Variants in BAG2 observed in about 807,000 individuals in gnomAD.
The protein encoded by BAG2 is BAG cochaperone 2, also known as BAG family molecular chaperone regulator 2.
BAG2 carries 8 observed loss-of-function variants against 16.4 expected under a neutral mutation model. The ratio of observed to expected loss-of-function variants is 0.49; its 90% CI spans 0.29 to 0.88. The LOEUF is 0.88. Ranked by LOEUF, BAG2 falls within the 40% of genes least tolerant of loss-of-function variation. BAG2 has a pLI of 0.09. For synonymous variants in BAG2, 82 were observed against 89.2 expected (o/e 0.92, Z 0.46); for missense variants, 218 against 248.9 (o/e 0.88, Z 0.84).
chr6:57,180,620 C>G (rs1764411273), intron 1 of BAG2, among the ~76,000 whole-genome samples: 3 of 152,012 alleles, frequency 2.0e-5, no homozygotes, highest in Admixed American at 2.0e-4. Context: ...TCTTACCTAA[C>G]TGCATGCAGG....
In BAG2 at chr6:57,172,783, T is replaced by C; in HGVS notation, c.86T>C (p.Leu29Pro). The C allele has an allele frequency of 6.4e-7, 1 of 1,569,600 alleles. No individual in the cohort carries two copies. The change falls in exon 1 of 3, where the codon CTG (leucine) becomes CCG (proline). Residue 29 changes from leucine to proline, a missense_variant. Around this residue, in one of 3 missense-constraint regions of BAG2, gnomAD observed 75 missense variants for 63.1 expected, o/e 1.19. Transcript: ENST00000370693. ...ATGGCTGACCGCTCCAGCCGCCTGC[T>C]GGAGAGCCTGGACCAGCTGGAGCTC... Reference protein sequence around the residue: ...SSMADRSSRLLESLDQLELRV... With the variant: ...SSMADRSSRLPESLDQLELRV...
At chr6:57,182,796 A>G (rs1345992441) in intron 2 of BAG2, among the ~76,000 whole-genome samples, 1 of 152,084 alleles carries the variant, frequency 6.6e-6, no homozygotes, top group Non-Finnish European at 1.5e-5. Flanking sequence ...GATTACAGGC[A>G]CGTGCCACCA....
chr6:57,183,069 G>A (rs576581183), intron 2 of BAG2, among the ~76,000 whole-genome samples: 188 of 152,282 alleles, frequency 1.2e-3, no homozygotes, highest in Non-Finnish European at 2.1e-3. Context: ...CATGGTACTG[G>A]GCCAAGTGGC....
chr6:57,174,619 T>C (rs1230777503), intron 1 of BAG2, among the ~76,000 whole-genome samples: 2 of 152,190 alleles, frequency 1.3e-5, no homozygotes, highest in East Asian at 3.8e-4. Flanking sequence ...TTTGTAGGCC[T>C]TTTTTCTTCT....
At position 57,173,139 on chromosome 6, in the gene BAG2, C is replaced by T. The variant is rs1000976181; in HGVS notation, c.113+329C>T. ...ATAAAAGTTACAGTGAGATTCCATG[C>T]GATTAAGGACTGTGGCAGCTTGGGT... On this transcript the variant is annotated intron_variant, in intron 1 of 2. Transcript: ENST00000370693. 4 of 1,020,484 alleles carry T rather than the reference C, an allele frequency of 3.9e-6. No individual in the cohort carries two copies. The East Asian group carries it at 3.5e-4, about 88-fold the overall frequency. 63.2% of individuals were successfully genotyped at this position (1,020,484 alleles called of 1,614,324 possible). A position where few individuals can be genotyped will look rare whatever the true frequency, so the allele number is the denominator to read the frequency against.
At chr6:57,177,783 T>C (rs1764325167) in intron 1 of BAG2, among the ~76,000 whole-genome samples, 1 of 152,198 alleles carries the variant, frequency 6.6e-6, no homozygotes, top group Non-Finnish European at 1.5e-5. Flanking sequence ...CTGCATACTC[T>C]ATTAGCTGAC....
Position 57,184,023 on chromosome 6 carries a change from T to A in BAG2, c.469T>A (p.Ser157Thr). The change falls in exon 3 of 3, where the codon TCC becomes ACC. Residue 157 changes from serine (S) to threonine (T), a missense_variant. Physicochemically the swap from Ser to Thr is moderately conservative, Grantham distance 58 (BLOSUM62 1). Coordinates refer to ENST00000370693, the MANE Select transcript of BAG2 (RefSeq NM_004282.4). ...PHGPVDQKFQSIVIGCALEDQ... is the reference protein window; with the variant it reads ...PHGPVDQKFQTIVIGCALEDQ... Reference sequence around the variant, plus strand: ...TGGGCCAGTTGATCAGAAGTTTCAATCCATAGTAATTGGCTGTGCTCTTGA... The same window carrying A: ...TGGGCCAGTTGATCAGAAGTTTCAAACCATAGTAATTGGCTGTGCTCTTGA... The A allele has an allele frequency of 6.2e-7, 1 of 1,613,284 alleles. No homozygotes were observed. The highest frequency in any genetic ancestry group is 8.5e-7 in the Non-Finnish European group (1 of 1,179,844).
At chr6:57,180,524 C>T (rs1344953261) in intron 1 of BAG2, among the ~76,000 whole-genome samples, 3 of 151,164 alleles carry the variant, frequency 2.0e-5, no homozygotes, top group Admixed American at 6.6e-5. Context: ...AGATAAATAG[C>T]GAATATACAT....
Position 57,184,892 on chromosome 6 carries a change from A to G in BAG2, c.*702A>G, listed in dbSNP as rs1006928903. On this transcript the variant is annotated 3_prime_UTR_variant, in exon 3 of 3. Coordinates refer to ENST00000370693, the MANE Select transcript of BAG2 (RefSeq NM_004282.4). ...CCTATATTGTAACTTGCCTTTTTTT[A>G]AAAAAGTTAGATGCTGATATAAAGT... The G allele has an allele frequency of 6.6e-6, 1 of 152,414 alleles. No homozygotes were observed. Among genetic ancestry groups the G allele is most frequent in the South Asian group, 2.1e-4 (1 of 4,818 alleles). 9.4% of individuals were successfully genotyped at this position (152,414 alleles called of 1,614,324 possible). A position where few individuals can be genotyped will look rare whatever the true frequency, so the allele number is the denominator to read the frequency against.
At position 57,172,707 on chromosome 6, in the gene BAG2, G is replaced by A; in HGVS notation, c.10G>A (p.Ala4Thr). The stretch of plus-strand genomic sequence containing the variant: ...CGCGTCGGAGGCTTAGATGGCTCAG[G>A]CGAAGATCAACGCTAAAGCCAACGA... MAQAKINAKANEGR... is the reference protein window; with the variant it reads MAQTKINAKANEGR... Residue 4 changes from alanine (A) to threonine (T), a missense_variant, in exon 1 of 3, where the codon GCG (alanine) becomes ACG (threonine). Ala to Thr is a moderately conservative substitution (Grantham distance 58). This residue lies in a region of BAG2 where 75 missense variants were observed against 63.1 expected (regional missense o/e 1.19). Transcript: ENST00000370693. 1 of 1,569,676 alleles carries A rather than the reference G, an allele frequency of 6.4e-7. No individual in the cohort carries two copies. Among genetic ancestry groups the A allele is most frequent in the Non-Finnish European group, 8.6e-7 (1 of 1,160,964 alleles).
intron 1 of BAG2, among the ~76,000 whole-genome samples, chr6:57,181,126 A>G (rs1764428011): frequency 6.6e-6 from 1 of 152,268 alleles, no homozygotes; most frequent in Middle Eastern, 3.4e-3. Context: ...TGCTGTGGAG[A>G]GTGGATAGGT....
In BAG2 at chr6:57,184,456, A is replaced by G; in HGVS notation, c.*266A>G. 4.0e-6 allele frequency: 1 copy of G among 248,290 alleles called. No individual in the cohort carries two copies. Among genetic ancestry groups the G allele is most frequent in the Non-Finnish European group, 7.6e-6 (1 of 131,920 alleles). 15.4% of individuals were successfully genotyped at this position (248,290 alleles called of 1,614,324 possible). A position where few individuals can be genotyped will look rare whatever the true frequency, so the allele number is the denominator to read the frequency against. ...ATTTCACTATTCTGTGGATGAATAC[A>G]TAGTTTGTGGGGAAAACAAACGTTC... On this transcript the variant is annotated 3_prime_UTR_variant, in exon 3 of 3. Coordinates refer to ENST00000370693, the MANE Select transcript of BAG2 (RefSeq NM_004282.4).
rs1404192743 is a variant in BAG2 at position 57,184,009 on chromosome 6, A to G, written c.455A>G (p.Asp152Gly). The part of the protein sequence containing the change: ...CSSEVPHGPV[D>G]QKFQSIVIGC... ...TCTGAGGTGCCACATGGGCCAGTTGATCAGAAGTTTCAATCCATAGTAATT... is the reference window on the plus strand; with the variant it reads ...TCTGAGGTGCCACATGGGCCAGTTGGTCAGAAGTTTCAATCCATAGTAATT... The change falls in exon 3 of 3, where the codon GAT (aspartate) becomes GGT (glycine). Residue 152 changes from aspartate to glycine, a missense_variant. By Grantham distance (94) the Asp-to-Gly change is moderately conservative. This residue lies in a region of BAG2 where 113 missense variants were observed against 128.0 expected (regional missense o/e 0.88). Transcript: ENST00000370693. 6.2e-7 allele frequency: 1 copy of G among 1,612,982 alleles called. No individual in the cohort carries two copies. Among genetic ancestry groups the G allele is most frequent in the Non-Finnish European group, 8.5e-7 (1 of 1,179,742 alleles).
In BAG2 at chr6:57,188,195, A is replaced by G. The variant is rs1333241545; in HGVS notation, c.*4005A>G. 1 of 152,194 alleles carries G rather than the reference A, an allele frequency of 6.6e-6. No individual in the cohort carries two copies. Among genetic ancestry groups the G allele is most frequent in the East Asian group, 1.9e-4 (1 of 5,204 alleles). 9.4% of individuals were successfully genotyped at this position (152,194 alleles called of 1,614,324 possible). On this transcript the variant is annotated 3_prime_UTR_variant, in exon 3 of 3. Transcript: ENST00000370693. Reference sequence around the variant, plus strand: ...GAGAATGAAGGGTCTTGGAAAAAAAATGTCAATTTTTGAAGGCTTTAAGAA... The same window carrying G: ...GAGAATGAAGGGTCTTGGAAAAAAAGTGTCAATTTTTGAAGGCTTTAAGAA...
Position 57,184,144 on chromosome 6 carries a change from C to T in BAG2, c.590C>T (p.Ala197Val). Reference protein sequence around the residue: ...AIKLLEHSKGAGSKTLQQNAE... With the variant: ...AIKLLEHSKGVGSKTLQQNAE... The stretch of plus-strand genomic sequence containing the variant: ...AAGCTATTAGAGCATTCTAAAGGAG[C>T]TGGTTCCAAAACTCTGCAACAAAAT... Residue 197 changes from alanine to valine, a missense_variant, in exon 3 of 3, where the codon GCT (alanine) becomes GTT (valine). Ala to Val is a moderately conservative substitution (Grantham distance 64, BLOSUM62 0). This residue lies in a region of BAG2 where 113 missense variants were observed against 128.0 expected (regional missense o/e 0.88). Coordinates refer to ENST00000370693, the MANE Select transcript of BAG2 (RefSeq NM_004282.4). 1 of 1,570,246 alleles carries T rather than the reference C, an allele frequency of 6.4e-7. No individual in the cohort carries two copies. The highest frequency in any genetic ancestry group is 8.6e-7 in the Non-Finnish European group (1 of 1,166,436).
chr6:57,183,245 G>A (rs935923845), intron 2 of BAG2, among the ~76,000 whole-genome samples: 3 of 151,574 alleles, frequency 2.0e-5, no homozygotes, highest in Non-Finnish European at 4.4e-5. Context: ...TGTTGATAGA[G>A]CTCCTCGTGC....
chr6:57,182,376 CTGCAAGCTCAGAAAAGCT>C (rs1402599226), intron 2 of BAG2, among the ~76,000 whole-genome samples: 38 of 151,964 alleles, frequency 2.5e-4, no homozygotes, highest in Non-Finnish European at 4.7e-4. Context: ...AGGAAAAAGC[CTGCAAGCTCAGAAAAGCT>C]GGCCCCAAGC....
In BAG2 at chr6:57,187,360, C is replaced by A. The variant is rs1442332815; in HGVS notation, c.*3170C>A. Reference sequence around the variant, plus strand: ...CTGCGGGTTTTAAATATTTTGTTAGCAAATGAATTCATCTGTATGATGAGA... The same window carrying A: ...CTGCGGGTTTTAAATATTTTGTTAGAAAATGAATTCATCTGTATGATGAGA... On this transcript the variant is annotated 3_prime_UTR_variant, in exon 3 of 3. Transcript: ENST00000370693. The A allele has an allele frequency of 6.6e-6, 1 of 152,044 alleles. No homozygotes were observed. The highest frequency in any genetic ancestry group is 2.4e-5 in the African/African-American group (1 of 41,400). 9.4% of individuals were successfully genotyped at this position (152,044 alleles called of 1,614,324 possible).
chr6:57,172,730 C>A lies in BAG2; in HGVS notation c.33C>A (p.Asn11Lys), dbSNP rs748925494. The A allele has an allele frequency of 1.3e-6, 2 of 1,580,736 alleles. No individual in the cohort carries two copies. Among genetic ancestry groups the A allele is most frequent in the Non-Finnish European group, 1.7e-6 (2 of 1,166,346 alleles). ...AGGCGAAGATCAACGCTAAAGCCAA[C>A]GAGGGGCGCTTCTGCCGCTCCTCCT... MAQAKINAKANEGRFCRSSSM... is the reference protein window; with the variant it reads MAQAKINAKAKEGRFCRSSSM... Residue 11 changes from asparagine (N) to lysine (K), a missense_variant, in exon 1 of 3, where the codon AAC (asparagine) becomes AAA (lysine). This residue lies in a region of BAG2 where 75 missense variants were observed against 63.1 expected (regional missense o/e 1.19). Transcript: ENST00000370693.
Sources: gnomAD v4.1 joint callset for allele counts (sites outside exome capture counted in the v4.1 genomes callset) on GRCh38, gnomAD v4.1.1 for gene constraint, gnomAD v4.1.1 regional missense constraint, MANE v1.5 for transcripts, NCBI Gene and HGNC (gene_info 2026-07-23, HGNC 2026-07-21) for gene names.